The following SMOX variants were observed in gnomAD, a reference collection of about 807,000 sequenced individuals.
The protein encoded by SMOX is flavin containing amine oxidase.
In SMOX, 22 loss-of-function variants were observed where a neutral mutation model predicts 51.0. That is an observed-to-expected ratio of 0.43 (90% confidence interval 0.31 to 0.62). The LOEUF (loss-of-function observed/expected upper bound fraction) is 0.62, where lower values mean the gene tolerates loss of function less well. Ranked by LOEUF, SMOX falls within the 20% of genes least tolerant of loss-of-function variation. The pLI, the probability that SMOX is intolerant of heterozygous loss-of-function variation, is 0.10. For missense variants in SMOX, 566 were observed against 777.7 expected (o/e 0.73, Z 3.24); for synonymous variants, 282 against 307.8 (o/e 0.92, Z 0.88).
rs1978960571 is a variant in SMOX, at chr20:4,177,489, C to T, written c.347C>T (p.Ser116Phe). The change falls in exon 3 of 7, where the codon TCC (serine) becomes TTC (phenylalanine). Residue 116 changes from serine to phenylalanine, a missense_variant. Coordinates refer to ENST00000305958, the MANE Select transcript of SMOX (RefSeq NM_175839.3). The surrounding 1 kb of genome is among the most constrained non-coding windows in gnomAD (Gnocchi z 4.3). ...ERSVGRISLYSKNGVACYLTN... is the reference protein window; with the variant it reads ...ERSVGRISLYFKNGVACYLTN... Reference sequence around the variant, plus strand: ...AGCGTGGGCCGCATCAGCCTCTATTCCAAGAATGGCGTGGCCTGCTACCTT... The same window carrying T: ...AGCGTGGGCCGCATCAGCCTCTATTTCAAGAATGGCGTGGCCTGCTACCTT... 2 of 1,587,632 alleles carry T rather than the reference C, an allele frequency of 1.3e-6. No homozygotes were observed. Among genetic ancestry groups the T allele is most frequent in the Middle Eastern group, 1.7e-4 (1 of 6,034 alleles).
At chr20:4,168,103 T>C (rs1385813634) in intron 1 of SMOX, among the ~76,000 whole-genome samples, 2 of 104,810 alleles carry the variant, frequency 1.9e-5, no homozygotes, top group Non-Finnish European at 3.5e-5. Flanking sequence ...GTTAGAAACC[T>C]GAGAAAGAGC....
intron 1 of SMOX, among the ~76,000 whole-genome samples, chr20:4,174,267 A>G (rs1978649577): frequency 6.6e-6 from 1 of 152,222 alleles, no homozygotes; most frequent in Non-Finnish European, 1.5e-5. Flanking sequence ...GGGAAAAGCC[A>G]GGCAAAGGAG....
At chr20:4,152,107 A>G (rs1985793674) in intron 1 of SMOX, among the ~76,000 whole-genome samples, 1 of 152,172 alleles carries the variant, frequency 6.6e-6, no homozygotes, top group Non-Finnish European at 1.5e-5. Context: ...GCGTGGCTGG[A>G]GGGCAGGGCT....
chr20:4,183,247 ATG>A lies in SMOX; in HGVS notation c.1370-243_1370-242del. On this transcript the variant is annotated intron_variant, in intron 5 of 6. Coordinates refer to ENST00000305958, the MANE Select transcript of SMOX (RefSeq NM_175839.3). The surrounding 1 kb of genome is among the most constrained non-coding windows in gnomAD (Gnocchi z 4.3). ...AGGCGGGGAAACATGATTATGTGTC[ATG>A]TGTTTTCAGATAGATAGGAAAAGTA... 1 of 595,762 alleles carries A rather than the reference ATG, an allele frequency of 1.7e-6. No individual in the cohort carries two copies. Among genetic ancestry groups the A allele is most frequent in the Non-Finnish European group, 3.0e-6 (1 of 337,942 alleles). 36.9% of individuals were successfully genotyped at this position (595,762 alleles called of 1,614,324 possible).
At chr20:4,176,403 C>T (rs1978854847) in intron 2 of SMOX, among the ~76,000 whole-genome samples, 1 of 152,158 alleles carries the variant, frequency 6.6e-6, no homozygotes, top group Admixed American at 6.5e-5. Context: ...TCCACCTTCT[C>T]ATGGGAGGAA....
chr20:4,179,382 G>A (rs923310254), intron 3 of SMOX, among the ~76,000 whole-genome samples: 1 of 152,162 alleles, frequency 6.6e-6, no homozygotes, highest in Admixed American at 6.5e-5. Flanking sequence ...GATATGGAGT[G>A]GATATGGTGG....
chr20:4,183,212 C>T lies in SMOX; in HGVS notation c.1370-282C>T, dbSNP rs1979483972. ...TATTCCAGGAGGACCTCACGAGAAC[C>T]CCCGATATTAGGCGGGGAAACATGA... is the stretch of plus-strand genomic sequence containing the variant. On this transcript the variant is annotated intron_variant, in intron 5 of 6. Transcript: ENST00000305958. This position sits in a 1 kb window ranked among gnomAD's most constrained non-coding sequence, Gnocchi z 4.3. The T allele has an allele frequency of 3.5e-6, 2 of 571,998 alleles. No homozygotes were observed. The highest frequency in any genetic ancestry group is 2.1e-5 in the South Asian group (1 of 48,284). 35.4% of individuals were successfully genotyped at this position (571,998 alleles called of 1,614,324 possible).
intron 2 of SMOX, 151 bp downstream of exon 2, chr20:4,175,414 TC>T: frequency 1.1e-6 from 1 of 934,430 alleles, no homozygotes; most frequent in Non-Finnish European, 1.6e-6. Flanking sequence ...CTTCCTTCGC[TC>T]CTCGTGGCAG....
intron 1 of SMOX, among the ~76,000 whole-genome samples, chr20:4,158,118 T>C (rs893334632): frequency 4.0e-5 from 6 of 150,554 alleles, no homozygotes; most frequent in African/African-American, 1.5e-4. Flanking sequence ...GCCAGGATGG[T>C]CTCGATCTCC....
rs1041880712 is a variant in SMOX at position 4,181,994 on chromosome 20, G to T, written c.609+18G>T. ...ACCTGAAGGTATCTTGAGGAAGACG[G>T]ATTCTGGGGGCGTCTGGGTCTGAGG... is the stretch of plus-strand genomic sequence containing the variant. On this transcript the variant is annotated intron_variant, in intron 4 of 6. Transcript: ENST00000305958. This position sits in a 1 kb window ranked among gnomAD's most constrained non-coding sequence, Gnocchi z 5.6. 25 of 1,612,536 alleles carry T rather than the reference G, an allele frequency of 1.6e-5. No individual in the cohort carries two copies. Among genetic ancestry groups the T allele is most frequent in the Non-Finnish European group, 2.0e-5 (23 of 1,179,046 alleles).
At chr20:4,150,875 A>G (rs1053459442) in intron 1 of SMOX, among the ~76,000 whole-genome samples, 7 of 123,218 alleles carry the variant, frequency 5.7e-5, no homozygotes, top group Non-Finnish European at 1.1e-4. Context: ...CTTTTCGCCC[A>G]GGCTGGAGTG....
At chr20:4,159,175 G>A (rs1986188020) in intron 1 of SMOX, among the ~76,000 whole-genome samples, 2 of 151,986 alleles carry the variant, frequency 1.3e-5, no homozygotes, top group South Asian at 2.1e-4. Context: ...GCAATGGCGC[G>A]ATCTTGGCTC....
At chr20:4,186,841 A>G (rs1158600858) in intron 6 of SMOX, 3 of 780,128 alleles carry the variant, frequency 3.8e-6, no homozygotes, top group East Asian at 2.4e-5. Context: ...AGGTTTGTCA[A>G]ATTACCACCG....
intron 1 of SMOX, among the ~76,000 whole-genome samples, chr20:4,162,069 CGTGTGCCTCCTGGCAG>C (rs372722866): frequency 9.9e-4 from 151 of 152,312 alleles, no homozygotes; most frequent in African/African-American, 3.1e-3. Context: ...GGCGGCAGGT[CGTGTGCCTCCTGGCAG>C]GTGTGCCTCC....
intron 1 of SMOX, among the ~76,000 whole-genome samples, chr20:4,155,477 G>A (rs919192059): frequency 2.0e-5 from 3 of 152,128 alleles, no homozygotes; most frequent in Non-Finnish European, 4.4e-5. Context: ...GCAAGTGTCT[G>A]CTCCTCTCTG....
In SMOX at chr20:4,166,463, TTGGCCTCCCAAAGTGC is replaced by T; in HGVS notation, c.-26-8563_-26-8548del. ...CCTAGACTGAAGCAATCCTCCTGCC[TTGGCCTCCCAAAGTGC>T]TGGAATTACAGGTGTGAGCCACTGT... On this transcript the variant is annotated intron_variant, in intron 1 of 6. Transcript: ENST00000305958. The surrounding 1 kb of genome is among the most constrained non-coding windows in gnomAD (Gnocchi z 4.2). Among the ~76,000 whole-genome samples the T allele has an allele frequency of 6.6e-6, 1 of 152,314 alleles. No homozygotes were observed. Among genetic ancestry groups the T allele is most frequent in the Admixed American group, 6.5e-5 (1 of 15,298 alleles).
chr20:4,164,677 G>T (rs1220651578), intron 1 of SMOX, among the ~76,000 whole-genome samples: 1 of 152,196 alleles, frequency 6.6e-6, no homozygotes, highest in Non-Finnish European at 1.5e-5. Flanking sequence ...GAAGGCTGTG[G>T]TGACTTGGGT....
At chr20:4,173,442 C>G (rs1978578440) in intron 1 of SMOX, among the ~76,000 whole-genome samples, 1 of 152,170 alleles carries the variant, frequency 6.6e-6, no homozygotes, top group Non-Finnish European at 1.5e-5. Context: ...TATGGATATG[C>G]TAGGTACAGC....
At position 4,177,649 on chromosome 20, in the gene SMOX, C is replaced by T; in HGVS notation, c.435+72C>T. The T allele has an allele frequency of 7.3e-7, 1 of 1,367,284 alleles. No homozygotes were observed. The highest frequency in any genetic ancestry group is 1.0e-6 in the Non-Finnish European group (1 of 990,608). The allele number at this position is 1,367,284 out of a possible 1,614,324, so 84.7% of individuals were successfully genotyped here. ...GGGAGGTCTGTGATTCTGGTCGTGTCTCTGCACACTCCCTGGGCCTTGCAT... is the reference window on the plus strand; with the variant it reads ...GGGAGGTCTGTGATTCTGGTCGTGTTTCTGCACACTCCCTGGGCCTTGCAT... On this transcript the variant is annotated intron_variant, in intron 3 of 6. Coordinates refer to ENST00000305958, the MANE Select transcript of SMOX (RefSeq NM_175839.3). The surrounding 1 kb of genome is among the most constrained non-coding windows in gnomAD (Gnocchi z 4.3).
Sources: allele counts gnomAD v4.1 joint callset (sites outside exome capture counted in the v4.1 genomes callset), GRCh38; gene constraint gnomAD v4.1.1; non-coding constraint Gnocchi (gnomAD v3.1); transcripts MANE v1.5; gene names NCBI Gene and HGNC (gene_info 2026-07-23, HGNC 2026-07-21).